The following CNTNAP2 variants were observed in gnomAD, a reference collection of about 807,000 sequenced individuals.
The protein encoded by CNTNAP2 is contactin-associated protein-like 2.
CNTNAP2 carries 98 observed loss-of-function variants against 155.2 expected under a neutral mutation model. The observed-to-expected ratio is 0.63, with a 90% CI of 0.54 to 0.75. CNTNAP2 has a LOEUF of 0.75. Among genes scored for constraint, CNTNAP2 ranks in the 30% least tolerant of loss-of-function variants. The probability of loss-of-function intolerance (pLI) is 0.00; values close to 1 mark genes in which losing one functional copy is unlikely to be tolerated. For synonymous variants in CNTNAP2, 651 were observed against 631.2 expected (o/e 1.03, Z -0.47); for missense variants, 1,727 against 1,688.1 (o/e 1.02, Z -0.40).
chr7:146,973,746 A>G (rs901932090), intron 3 of CNTNAP2, among the ~76,000 whole-genome samples: 1 of 152,220 alleles, frequency 6.6e-6, no homozygotes, highest in Non-Finnish European at 1.5e-5. Context: ...AAACATGGTT[A>G]GTAAATTTCC....
chr7:147,330,004 C>T (rs1161729348), intron 9 of CNTNAP2, among the ~76,000 whole-genome samples: 5 of 152,106 alleles, frequency 3.3e-5, no homozygotes, highest in Admixed American at 3.3e-4. Flanking sequence ...TTGGAGCTTC[C>T]TGAGTGGCAG....
chr7:146,620,829 ACTTT>A (rs948260930), intron 1 of CNTNAP2, among the ~76,000 whole-genome samples: 46 of 152,198 alleles, frequency 3.0e-4, no homozygotes, highest in African/African-American at 1.1e-3. Context: ...CTGCTTTTTT[ACTTT>A]CTTTCTTGTA....
chr7:146,710,354 A>G (rs1473856392), intron 1 of CNTNAP2, among the ~76,000 whole-genome samples: 1 of 152,212 alleles, frequency 6.6e-6, no homozygotes, highest in African/African-American at 2.4e-5. Context: ...AGACACACAC[A>G]GAAAAGTATA....
intron 9 of CNTNAP2, among the ~76,000 whole-genome samples, chr7:147,369,556 T>A (rs1166144935): frequency 6.6e-6 from 1 of 152,214 alleles, no homozygotes; most frequent in African/African-American, 2.4e-5. Flanking sequence ...GCAGTCTGTT[T>A]TTCCATAAAG....
chr7:148,024,378 G>A (rs1261524728), intron 15 of CNTNAP2, among the ~76,000 whole-genome samples: 1 of 152,130 alleles, frequency 6.6e-6, no homozygotes, highest in African/African-American at 2.4e-5. Context: ...AGAAAACGAA[G>A]TGTGGTGTAC....
At chr7:147,237,912 G>T (rs1803847406) in intron 8 of CNTNAP2, among the ~76,000 whole-genome samples, 1 of 152,194 alleles carries the variant, frequency 6.6e-6, no homozygotes, top group Admixed American at 6.5e-5. Context: ...TTAATAAAAA[G>T]TTAATATAAA....
intron 3 of CNTNAP2, among the ~76,000 whole-genome samples, chr7:146,856,649 A>T (rs1794995668): frequency 6.6e-6 from 1 of 152,176 alleles, no homozygotes; most frequent in Non-Finnish European, 1.5e-5. Context: ...TTGAGTGGGT[A>T]ATCAAAATAA....
At chr7:147,229,663 T>C (rs533777921) in intron 8 of CNTNAP2, among the ~76,000 whole-genome samples, 53 of 152,322 alleles carry the variant, frequency 3.5e-4, no homozygotes, top group African/African-American at 1.2e-3. Flanking sequence ...AACTCCTAGG[T>C]AGTAATCAAT....
chr7:147,431,779 A>C (rs1797470719), intron 10 of CNTNAP2, among the ~76,000 whole-genome samples: 2 of 151,986 alleles, frequency 1.3e-5, no homozygotes, highest in African/African-American at 4.8e-5. Context: ...GTTTTTCTCT[A>C]TCTTTTTGAG....
intron 1 of CNTNAP2, among the ~76,000 whole-genome samples, chr7:146,574,976 T>C (rs11983083): frequency 0.03 from 4,604 of 152,178 alleles, 255 homozygotes; most frequent in African/African-American, 0.11. Context: ...TCTTCCTTTT[T>C]CCCCCTCTTG....
intron 21 of CNTNAP2, among the ~76,000 whole-genome samples, chr7:148,341,944 C>T (rs1327040017): frequency 6.6e-6 from 1 of 152,182 alleles, no homozygotes; most frequent in Non-Finnish European, 1.5e-5. Context: ...AAGGGAATCT[C>T]TTCCCGAGGT....
chr7:147,441,564 T>C (rs1473692851), intron 10 of CNTNAP2, among the ~76,000 whole-genome samples: 2 of 152,140 alleles, frequency 1.3e-5, no homozygotes, highest in Admixed American at 1.3e-4. Context: ...GTATTTATTG[T>C]AGTTTTTGCA....
At chr7:147,451,004 G>A (rs917591024) in intron 10 of CNTNAP2, among the ~76,000 whole-genome samples, 2 of 152,190 alleles carry the variant, frequency 1.3e-5, no homozygotes, top group Admixed American at 1.3e-4. Flanking sequence ...TCTTTGACCA[G>A]GCCATGCAGA....
At chr7:146,290,574 A>G (rs887943108) in intron 1 of CNTNAP2, among the ~76,000 whole-genome samples, 2 of 152,194 alleles carry the variant, frequency 1.3e-5, no homozygotes, top group African/African-American at 4.8e-5. Flanking sequence ...TGTGAACTAA[A>G]ACGTAAGATG....
At chr7:146,272,264 G>C (rs1377902528) in intron 1 of CNTNAP2, among the ~76,000 whole-genome samples, 1 of 152,092 alleles carries the variant, frequency 6.6e-6, no homozygotes, top group East Asian at 1.9e-4. Context: ...TCAGAGCTGA[G>C]AACTCAGTCA....
At chr7:146,370,002 G>A (rs1057447179) in intron 1 of CNTNAP2, among the ~76,000 whole-genome samples, 1 of 151,748 alleles carries the variant, frequency 6.6e-6, no homozygotes, top group Non-Finnish European at 1.5e-5. Context: ...GCTAAATCTG[G>A]AATTTATTCT....
At chr7:146,521,684 T>TCAA (rs1797619115) in intron 1 of CNTNAP2, among the ~76,000 whole-genome samples, 1 of 151,966 alleles carries the variant, frequency 6.6e-6, no homozygotes, top group African/African-American at 2.4e-5. Flanking sequence ...GCATTTACAT[T>TCAA]CAACAAATAT....
chr7:148,330,586 GAGTGGACGGATGA>G lies in CNTNAP2; in HGVS notation c.3476-53050_3476-53038del, dbSNP rs1385961544. On this transcript the variant is annotated intron_variant, in intron 21 of 23. Transcript: ENST00000361727. Reference sequence around the variant, plus strand: ...AGTGGATGGATGGAGTGGATGGATGGAGTGGACGGATGAAGTGGACGGATGGAATGGACACATG... The same window carrying G: ...AGTGGATGGATGGAGTGGATGGATGGAGTGGACGGATGGAATGGACACATG... Among the ~76,000 whole-genome samples, 438 of 141,380 alleles carry G rather than the reference GAGTGGACGGATGA, an allele frequency of 3.1e-3. 1 individual carries two copies. The highest frequency in any genetic ancestry group is 4.8e-3 in the Non-Finnish European group (314 of 66,000). The allele number at this position is 141,380 out of a possible 152,430, so 92.8% of individuals were successfully genotyped here.
chr7:147,339,975 C>T (rs1795732725), intron 9 of CNTNAP2, among the ~76,000 whole-genome samples: 1 of 152,158 alleles, frequency 6.6e-6, no homozygotes, highest in Non-Finnish European at 1.5e-5. Context: ...GCTGCATCTA[C>T]ATAAGTGCCG....
Sources: allele counts gnomAD v4.1 joint callset (sites outside exome capture counted in the v4.1 genomes callset), GRCh38; gene constraint gnomAD v4.1.1; transcripts MANE v1.5; gene names NCBI Gene and HGNC (gene_info 2026-07-23, HGNC 2026-07-21).